Variants in B3GAT2 observed in about 807,000 individuals in gnomAD.
B3GAT2 encodes the protein beta-1,3-glucuronyltransferase 2.
In B3GAT2, 26 loss-of-function variants were observed where a neutral mutation model predicts 27.8. The ratio of observed to expected loss-of-function variants is 0.93; its 90% CI spans 0.68 to 1.30. The LOEUF (loss-of-function observed/expected upper bound fraction) is 1.30. B3GAT2 is among the 50% of genes most tolerant of loss of function. The pLI, the probability that B3GAT2 is intolerant of heterozygous loss-of-function variation, is 0.00. For missense variants in B3GAT2, 458 were observed against 459.0 expected, an observed-to-expected ratio of 1.00 and a Z score of 0.02; for synonymous variants, 218 against 195.1, an observed-to-expected ratio of 1.12 and a Z score of -0.98.
At chr6:70,916,532 G>T (rs865966745) in intron 1 of B3GAT2, among the ~76,000 whole-genome samples, 1 of 152,084 alleles carries the variant, frequency 6.6e-6, no homozygotes, top group African/African-American at 2.4e-5. Context: ...GGCTGTGGGT[G>T]TGTCATAAAT....
At position 70,956,163 on chromosome 6, in the gene B3GAT2, G is replaced by C; in HGVS notation, c.267C>G (p.Tyr89Ter). 1 of 1,609,038 alleles carries C rather than the reference G, an allele frequency of 6.2e-7. No individual in the cohort carries two copies. The highest frequency in any genetic ancestry group is 1.1e-5 in the South Asian group (1 of 90,340). Residue 89 changes from tyrosine (Y) to a stop codon, truncating the protein, a stop_gained, in exon 1 of 4, where the codon TAC becomes TAG. Coordinates refer to ENST00000230053, the MANE Select transcript of B3GAT2 (RefSeq NM_080742.3). LOFTEE classifies it high-confidence loss of function. ...GCTCCGCTTTCTGCACCGGGCGGCTGTAGGTGGGCGTGATGGCATAGATGG... is the reference window on the plus strand; with the variant it reads ...GCTCCGCTTTCTGCACCGGGCGGCTCTAGGTGGGCGTGATGGCATAGATGG... ...LPTIYAITPT[Y>*]SRPVQKAELT... is the part of the protein sequence containing the mutation.
At chr6:70,937,287 G>A (rs1765304466) in intron 1 of B3GAT2, among the ~76,000 whole-genome samples, 1 of 150,968 alleles carries the variant, frequency 6.6e-6, no homozygotes, top group African/African-American at 2.4e-5. Context: ...AAGAGTCCAG[G>A]ACCAGATGGA....
intron 1 of B3GAT2, among the ~76,000 whole-genome samples, chr6:70,931,407 C>T (rs556008726): frequency 6.6e-6 from 1 of 152,160 alleles, no homozygotes; most frequent in African/African-American, 2.4e-5. Context: ...AATAATAAAG[C>T]TCCAGTCTCC....
intron 1 of B3GAT2, among the ~76,000 whole-genome samples, chr6:70,901,730 C>T (rs1259487277): frequency 1.3e-5 from 2 of 152,192 alleles, no homozygotes; most frequent in Non-Finnish European, 2.9e-5. Flanking sequence ...CATTAACCAG[C>T]TGATGCTGTC....
rs1027448602 is a variant in B3GAT2 at position 70,956,644 on chromosome 6, C to T, written c.-215G>A. 2.4e-5 allele frequency: 34 copies of T among 1,407,258 alleles called. No individual in the cohort carries two copies. The African/African-American group carries it at 4.6e-4, about 19-fold the overall frequency. 87.2% of individuals were successfully genotyped at this position (1,407,258 alleles called of 1,614,324 possible). A position where few individuals can be genotyped will look rare whatever the true frequency, so the allele number is the denominator to read the frequency against. ...GCGCAAGCTAGAGCGACAAGGGGTG[C>T]AGGCGGGCGGGCAGGGGCTGCCCCC... On this transcript the variant is annotated 5_prime_UTR_variant, in exon 1 of 4. Transcript: ENST00000230053.
At chr6:70,936,479 C>T (rs1432707390) in intron 1 of B3GAT2, among the ~76,000 whole-genome samples, 1 of 152,034 alleles carries the variant, frequency 6.6e-6, no homozygotes, top group Non-Finnish European at 1.5e-5. Context: ...CACACCTATT[C>T]CAAAATTGAC....
chr6:70,888,743 C>T (rs916602027), intron 2 of B3GAT2, among the ~76,000 whole-genome samples: 1 of 152,052 alleles, frequency 6.6e-6, no homozygotes, highest in Admixed American at 6.5e-5. Flanking sequence ...CTATCTGACC[C>T]CAGCTTGCCC....
At chr6:70,891,557 A>G (rs1772288649) in intron 2 of B3GAT2, among the ~76,000 whole-genome samples, 1 of 152,200 alleles carries the variant, frequency 6.6e-6, no homozygotes, top group South Asian at 2.1e-4. Flanking sequence ...GTGATGGGCT[A>G]TGTGATGACC....
chr6:70,921,779 T>G (rs1772875265), intron 1 of B3GAT2, among the ~76,000 whole-genome samples: 1 of 152,190 alleles, frequency 6.6e-6, no homozygotes, highest in Admixed American at 6.5e-5. Flanking sequence ...TACTTTTATA[T>G]TCTTTGATAT....
chr6:70,897,012 T>A (rs1158556499), intron 1 of B3GAT2, among the ~76,000 whole-genome samples: 2 of 152,206 alleles, frequency 1.3e-5, no homozygotes, highest in African/African-American at 2.4e-5. Context: ...CTTCTGCCAT[T>A]TTACATTCTC....
chr6:70,916,297 G>A lies in B3GAT2; in HGVS notation c.592-22025C>T, dbSNP rs537643672. ...GTTGTTTATCAGCTTAAGGAGATTT[G>A]GAGCTGAGACGATGAGGTTTTCTAC... is the stretch of plus-strand genomic sequence containing the variant. On this transcript the variant is annotated intron_variant, in intron 1 of 3. Coordinates refer to ENST00000230053, the MANE Select transcript of B3GAT2 (RefSeq NM_080742.3). 3.3e-5 allele frequency among the ~76,000 whole-genome samples: 5 copies of A among 152,148 alleles called. No individual in the cohort carries two copies. In the East Asian group the frequency reaches 9.7e-4, roughly 29 times the overall value.
chr6:70,870,865 GC>G (rs1562214279), intron 2 of B3GAT2, among the ~76,000 whole-genome samples: 2 of 152,228 alleles, frequency 1.3e-5, no homozygotes, highest in East Asian at 3.9e-4. Flanking sequence ...AAAAATGTTA[GC>G]TGTGAATTTT....
At chr6:70,926,509 A>G (rs1021496842) in intron 1 of B3GAT2, among the ~76,000 whole-genome samples, 3 of 152,230 alleles carry the variant, frequency 2.0e-5, no homozygotes, top group African/African-American at 7.2e-5. Context: ...AAACCATGGC[A>G]TGAGAAATAC....
intron 1 of B3GAT2, among the ~76,000 whole-genome samples, chr6:70,932,497 T>C (rs1430414917): frequency 6.6e-6 from 1 of 152,134 alleles, no homozygotes; most frequent in East Asian, 1.9e-4. Context: ...CATGCTACAA[T>C]GTGGATGAAC....
Position 70,956,318 on chromosome 6 carries a change from G to C in B3GAT2, c.112C>G (p.Pro38Ala), listed in dbSNP as rs1350677261. Reference sequence around the variant, plus strand: ...CCCACCGCGTAGGGAGAGAAGTAGGGGCGCGGGGTGAGCGGGGGCACTGGC... The same window carrying C: ...CCCACCGCGTAGGGAGAGAAGTAGGCGCGCGGGGTGAGCGGGGGCACTGGC... ...RRPVPPLTPR[P>A]YFSPYAVGRG... Residue 38 changes from proline (P) to alanine (A), a missense_variant, in exon 1 of 4, where the codon CCC becomes GCC. Transcript: ENST00000230053. 4 of 1,590,028 alleles carry C rather than the reference G, an allele frequency of 2.5e-6. No individual in the cohort carries two copies. In the East Asian group the frequency reaches 9.1e-5, roughly 36 times the overall value.
chr6:70,860,538 G>C lies in B3GAT2; in HGVS notation c.*1125C>G. On this transcript the variant is annotated 3_prime_UTR_variant, in exon 4 of 4. Transcript: ENST00000230053. Reference sequence around the variant, plus strand: ...GTTGATAAATCATTTTATGTCAAGGGCAGCTTTGCTCATATTTCCCATGAT... The same window carrying C: ...GTTGATAAATCATTTTATGTCAAGGCCAGCTTTGCTCATATTTCCCATGAT... The C allele has an allele frequency of 2.0e-6, 1 of 500,562 alleles. No individual in the cohort carries two copies. The highest frequency in any genetic ancestry group is 6.5e-5 in the South Asian group (1 of 15,456). The allele number at this position is 500,562 out of a possible 1,614,324, so 31.0% of individuals were successfully genotyped here.
chr6:70,915,940 G>A (rs989783448), intron 1 of B3GAT2, among the ~76,000 whole-genome samples: 1 of 152,146 alleles, frequency 6.6e-6, no homozygotes, highest in African/African-American at 2.4e-5. Flanking sequence ...ATTCTGTGAA[G>A]TCAGTGATAG....
rs1319799592 is a variant in B3GAT2, at chr6:70,894,227, C to T, written c.637G>A (p.Gly213Ser). The change falls in exon 2 of 4, where the codon GGT (glycine) becomes AGT (serine). Residue 213 changes from glycine (G) to serine (S), a missense_variant. Transcript: ENST00000230053. ...AGCGGACGTTCGTAGCGCCGCCCAC[C>T]AACCAGGCCCACAGGCCAGACGGAG... The part of the protein sequence containing the change: ...KVSVWPVGLV[G>S]GRRYERPLVE... 6.2e-7 allele frequency: 1 copy of T among 1,613,492 alleles called. No homozygotes were observed. Among genetic ancestry groups the T allele is most frequent in the Admixed American group, 1.7e-5 (1 of 59,962 alleles).
chr6:70,900,403 C>G (rs1772477849), intron 1 of B3GAT2, among the ~76,000 whole-genome samples: 1 of 131,666 alleles, frequency 7.6e-6, no homozygotes, highest in Non-Finnish European at 1.7e-5. Flanking sequence ...TTAACAACAA[C>G]CGGCTCTTTT....
Sources: allele counts gnomAD v4.1 joint callset (sites outside exome capture counted in the v4.1 genomes callset), GRCh38; gene constraint gnomAD v4.1.1; transcripts MANE v1.5; gene names NCBI Gene and HGNC (gene_info 2026-07-23, HGNC 2026-07-21).